The following TRPM3 variants were observed in gnomAD, a reference collection of about 807,000 sequenced individuals.
TRPM3 encodes the protein transient receptor potential cation channel subfamily M member 3.
TRPM3 carries 77 observed loss-of-function variants against 181.2 expected under a neutral mutation model. The observed-to-expected ratio is 0.42, with a 90% CI of 0.35 to 0.51. The LOEUF is 0.51. Ranked by LOEUF, TRPM3 falls within the 20% of genes least tolerant of loss-of-function variation. The probability of loss-of-function intolerance (pLI) is 0.01; values close to 1 mark genes in which losing one functional copy is unlikely to be tolerated. For missense variants in TRPM3, 1,759 were observed against 2,196.7 expected (o/e 0.80, Z 3.98); for synonymous variants, 745 against 796.4 (o/e 0.94, Z 1.09).
chr9:70,815,201 A>G (rs2092583244), intron 6 of TRPM3, among the ~76,000 whole-genome samples: 1 of 152,142 alleles, frequency 6.6e-6, no homozygotes, highest in African/African-American at 2.4e-5. Flanking sequence ...ATACCCTTGA[A>G]TATCTTTTAT....
At chr9:70,816,208 A>T (rs2092676302) in intron 6 of TRPM3, among the ~76,000 whole-genome samples, 1 of 152,258 alleles carries the variant, frequency 6.6e-6, no homozygotes, top group African/African-American at 2.4e-5. Flanking sequence ...GCTAGTAATT[A>T]TCTTTTCATA....
At chr9:71,169,748 A>C (rs892116136) in intron 1 of TRPM3, among the ~76,000 whole-genome samples, 1 of 152,044 alleles carries the variant, frequency 6.6e-6, no homozygotes, top group African/African-American at 2.4e-5. Context: ...TGAGGTAAGG[A>C]GTTCGAGACC....
At chr9:70,809,285 A>C (rs1564394558) in intron 6 of TRPM3, among the ~76,000 whole-genome samples, 1 of 152,248 alleles carries the variant, frequency 6.6e-6, no homozygotes, top group South Asian at 2.1e-4. Flanking sequence ...TTGAAGAAAT[A>C]AAATTTAAAA....
chr9:70,664,641 GTTTTTTTTTTTTTTT>G (rs71367210), intron 9 of TRPM3, among the ~76,000 whole-genome samples: 32 of 100,270 alleles, frequency 3.2e-4, no homozygotes, highest in Non-Finnish European at 3.9e-4. Flanking sequence ...TAGGAGAGTA[GTTTTTTTTTTTTTTT>G]TTTTTTTTTT....
intron 3 of TRPM3, among the ~76,000 whole-genome samples, chr9:70,858,195 G>C (rs969865012): frequency 2.6e-5 from 4 of 152,136 alleles, no homozygotes; most frequent in Admixed American, 6.5e-5. Flanking sequence ...TGACCACTTT[G>C]TTAAAAATAA....
intron 8 of TRPM3, among the ~76,000 whole-genome samples, chr9:70,694,197 G>A (rs143131199): frequency 1.4e-3 from 209 of 152,282 alleles, no homozygotes; most frequent in African/African-American, 4.8e-3. Context: ...GAGACTGACC[G>A]TATGAGGTCC....
At chr9:71,287,053 A>G (rs1418200019) in intron 1 of TRPM3, among the ~76,000 whole-genome samples, 1 of 143,372 alleles carries the variant, frequency 7.0e-6, no homozygotes, top group Non-Finnish European at 1.5e-5. Context: ...ATTATATACT[A>G]TATTATATAA....
chr9:71,369,576 T>C (rs2092446414), intron 1 of TRPM3, among the ~76,000 whole-genome samples: 1 of 152,164 alleles, frequency 6.6e-6, no homozygotes, highest in South Asian at 2.1e-4. Flanking sequence ...CGATCTCAGC[T>C]CACTGCAACC....
intron 1 of TRPM3, among the ~76,000 whole-genome samples, chr9:71,322,785 A>C (rs897239912): frequency 6.6e-6 from 1 of 152,156 alleles, no homozygotes. Flanking sequence ...TTGCACATTT[A>C]TGCAATCCTC....
intron 1 of TRPM3, among the ~76,000 whole-genome samples, chr9:71,198,962 G>A (rs756324129): frequency 0.28 from 31,036 of 111,584 alleles, 6,549 homozygotes; most frequent in African/African-American, 0.37. Context: ...GTTTTCAAAG[G>A]GAATGCTTCC....
At chr9:71,227,198 A>G in intron 1 of TRPM3, among the ~76,000 whole-genome samples, 1 of 151,986 alleles carries the variant, frequency 6.6e-6, no homozygotes, top group South Asian at 2.1e-4. Flanking sequence ...TAACAAGAAG[A>G]ATTTTGGAAA....
At chr9:70,832,562 A>G (rs1178995601) in intron 5 of TRPM3, among the ~76,000 whole-genome samples, 1 of 152,166 alleles carries the variant, frequency 6.6e-6, no homozygotes, top group Non-Finnish European at 1.5e-5. Context: ...AGAGCTGTTT[A>G]AGAGGTGAAA....
At chr9:71,317,968 G>T (rs958189982) in intron 1 of TRPM3, among the ~76,000 whole-genome samples, 1 of 152,118 alleles carries the variant, frequency 6.6e-6, no homozygotes, top group Non-Finnish European at 1.5e-5. Flanking sequence ...AATAGAATGG[G>T]AGGCTGAATG....
intron 1 of TRPM3, among the ~76,000 whole-genome samples, chr9:71,048,671 G>A (rs1478694536): frequency 6.6e-6 from 1 of 152,172 alleles, no homozygotes; most frequent in Non-Finnish European, 1.5e-5. Flanking sequence ...AATCTACTCT[G>A]TTTGATGTGC....
intron 1 of TRPM3, among the ~76,000 whole-genome samples, chr9:71,049,317 G>C (rs762494339): frequency 1.3e-5 from 2 of 152,070 alleles, no homozygotes; most frequent in Non-Finnish European, 2.9e-5. Context: ...GGTCAGACTT[G>C]TAAGTACTCA....
chr9:71,147,394 G>A (rs1349141616), intron 1 of TRPM3, among the ~76,000 whole-genome samples: 1 of 147,650 alleles, frequency 6.8e-6, no homozygotes, highest in Non-Finnish European at 1.5e-5. Flanking sequence ...CACTACCACT[G>A]AACATCTGCC....
At chr9:71,122,841 C>T (rs921450816), upstream of TRPM3, among the ~76,000 whole-genome samples, 1 of 152,212 alleles carries the variant, frequency 6.6e-6, no homozygotes, top group South Asian at 2.1e-4. Context: ...ATTTATGTCT[C>T]TGATTATCTA....
At chr9:71,107,348 G>T (rs2069907216) in intron 1 of TRPM3, among the ~76,000 whole-genome samples, 1 of 152,030 alleles carries the variant, frequency 6.6e-6, no homozygotes, top group African/African-American at 2.4e-5. Context: ...CTTCTGGTTG[G>T]TATCTCCTTC....
intron 1 of TRPM3, among the ~76,000 whole-genome samples, chr9:71,200,973 G>T (rs1000333613): frequency 1.3e-5 from 2 of 151,880 alleles, no homozygotes; most frequent in Non-Finnish European, 2.9e-5. Flanking sequence ...TAGCCTCGAT[G>T]GTCTTTACAA....
Sources: gnomAD v4.1 joint callset for allele counts (sites outside exome capture counted in the v4.1 genomes callset) on GRCh38, gnomAD v4.1.1 for gene constraint, MANE v1.5 for transcripts, NCBI Gene and HGNC (gene_info 2026-07-23, HGNC 2026-07-21) for gene names.